Variants in CREB5 observed in about 807,000 individuals in gnomAD.
The protein encoded by CREB5 is cAMP responsive element binding protein 5, also known as cyclic AMP-responsive element-binding protein 5.
A neutral mutation model predicts 57.1 loss-of-function variants in CREB5; 19 were observed. The ratio of observed to expected loss-of-function variants is 0.33; its 90% CI spans 0.23 to 0.49. The LOEUF (loss-of-function observed/expected upper bound fraction) is 0.49, where lower values mean the gene tolerates loss of function less well. Ranked by LOEUF, CREB5 falls within the 20% of genes least tolerant of loss-of-function variation. The pLI is 0.99. For missense variants in CREB5, 579 were observed against 671.6 expected, an observed-to-expected ratio of 0.86 and a Z score of 1.52; for synonymous variants, 238 against 238.3, an observed-to-expected ratio of 1.00 and a Z score of 0.01.
At chr7:28,751,240 T>C (rs753909056) in intron 7 of CREB5, among the ~76,000 whole-genome samples, 7 of 152,028 alleles carry the variant, frequency 4.6e-5, no homozygotes, top group Non-Finnish European at 1.0e-4. Flanking sequence ...GCATTCCTTC[T>C]TCTCTACACA....
intron 1 of CREB5, among the ~76,000 whole-genome samples, chr7:28,327,012 G>T (rs1785620287): frequency 1.3e-5 from 2 of 152,018 alleles, no homozygotes; most frequent in Admixed American, 1.3e-4. Context: ...AGCCGGGCGT[G>T]GTGGCAGATG....
chr7:28,738,606 A>G (rs989660078), intron 7 of CREB5, among the ~76,000 whole-genome samples: 4 of 152,196 alleles, frequency 2.6e-5, no homozygotes, highest in Admixed American at 2.6e-4. Context: ...TCTCCTGGGA[A>G]TTTTCTTAAA....
At chr7:28,452,685 G>A (rs896730256) in intron 1 of CREB5, among the ~76,000 whole-genome samples, 3 of 152,176 alleles carry the variant, frequency 2.0e-5, no homozygotes, top group Non-Finnish European at 4.4e-5. Flanking sequence ...CCTAAAGAGG[G>A]AAGCAGCAAG....
At chr7:28,511,607 C>G (rs898042837) in intron 4 of CREB5, among the ~76,000 whole-genome samples, 1 of 152,214 alleles carries the variant, frequency 6.6e-6, no homozygotes, top group Non-Finnish European at 1.5e-5. Context: ...ACCTCAGCCT[C>G]CCAAGTAGCT....
At chr7:28,361,419 G>A (rs142624423) in intron 1 of CREB5, among the ~76,000 whole-genome samples, 15 of 152,218 alleles carry the variant, frequency 9.9e-5, no homozygotes, top group Admixed American at 9.2e-4. Context: ...GGCCTTGGTG[G>A]CAACATAAAT....
chr7:28,353,101 T>C (rs775794953), intron 1 of CREB5, among the ~76,000 whole-genome samples: 1 of 152,214 alleles, frequency 6.6e-6, no homozygotes, highest in Non-Finnish European at 1.5e-5. Flanking sequence ...TTTGTTTTGT[T>C]TTTGTTTTTT....
Position 28,657,558 on chromosome 7 carries a change from G to A in CREB5, c.465-61195G>A, listed in dbSNP as rs751467290. ...AGCCTGGCCAATATAGTGAAACCCC[G>A]TCTCTACTAACAATACAAAAATTAG... On this transcript the variant is annotated intron_variant, in intron 5 of 10. Coordinates refer to ENST00000357727, the MANE Select transcript of CREB5 (RefSeq NM_182898.4). Among the ~76,000 whole-genome samples the A allele has an allele frequency of 4.0e-4, 60 of 151,812 alleles. No homozygotes were observed. In the East Asian group the frequency reaches 4.5e-3, roughly 11 times the overall value.
chr7:28,761,734 G>C (rs983600373), intron 7 of CREB5, among the ~76,000 whole-genome samples: 3 of 150,370 alleles, frequency 2.0e-5, no homozygotes, highest in African/African-American at 7.3e-5. Context: ...ATGTGTGTGT[G>C]TGTGTGTGTG....
intron 1 of CREB5, among the ~76,000 whole-genome samples, chr7:28,417,463 C>T (rs559739262): frequency 5.3e-5 from 8 of 151,708 alleles, no homozygotes; most frequent in South Asian, 2.1e-4. Context: ...CACGTGTGGT[C>T]GGTGACTATG....
chr7:28,613,426 C>T (rs41282), intron 5 of CREB5, among the ~76,000 whole-genome samples: 9,644 of 152,192 alleles, frequency 0.063, 1,031 homozygotes, highest in African/African-American at 0.22. Context: ...CATTGCCACC[C>T]GGCTTGAGCC....
At chr7:28,328,247 C>T (rs906387248) in intron 1 of CREB5, among the ~76,000 whole-genome samples, 2 of 152,276 alleles carry the variant, frequency 1.3e-5, no homozygotes, top group South Asian at 4.1e-4. Flanking sequence ...TCAGTTTTAG[C>T]CTCCCTTCTT....
intron 5 of CREB5, among the ~76,000 whole-genome samples, chr7:28,659,065 C>T (rs116656433): frequency 0.016 from 2,332 of 150,178 alleles, 70 homozygotes; most frequent in African/African-American, 0.053. Flanking sequence ...ATTTGGTCCT[C>T]TTCCTCAGAA....
rs191409347 is a variant in CREB5 at position 28,791,798 on chromosome 7, T to C, written c.703-12401T>C. Among the ~76,000 whole-genome samples the C allele has an allele frequency of 3.2e-4, 49 of 152,338 alleles. No homozygotes were observed. The East Asian group carries it at 8.5e-3, about 26-fold the overall frequency. On this transcript the variant is annotated intron_variant, in intron 7 of 10. Coordinates refer to ENST00000357727, the MANE Select transcript of CREB5 (RefSeq NM_182898.4). Reference sequence around the variant, plus strand: ...AATTAATAAATCAACCAGAAAGCTTTCTATTTGGCATTTTTAGAATGGTAC... The same window carrying C: ...AATTAATAAATCAACCAGAAAGCTTCCTATTTGGCATTTTTAGAATGGTAC...
intron 1 of CREB5, among the ~76,000 whole-genome samples, chr7:28,374,675 T>C (rs1359751974): frequency 6.6e-6 from 1 of 152,194 alleles, no homozygotes; most frequent in African/African-American, 2.4e-5. Context: ...CAGCGTTTGG[T>C]TGCCTGGAGC....
chr7:28,788,831 A>T (rs995355222), intron 7 of CREB5, among the ~76,000 whole-genome samples: 2 of 74,996 alleles, frequency 2.7e-5, no homozygotes, highest in African/African-American at 6.7e-5. Flanking sequence ...CTTCTGGTTT[A>T]AAAAAAAAAA....
At chr7:28,488,396 A>G (rs1791665025) in intron 2 of CREB5, 150 bp downstream of exon 2, 1 of 620,958 alleles carries the variant, frequency 1.6e-6, no homozygotes, top group African/African-American at 1.8e-5. Flanking sequence ...CGTGATCATC[A>G]TCATTTTCAT....
At chr7:28,685,370 C>T (rs1030494229) in intron 5 of CREB5, among the ~76,000 whole-genome samples, 7 of 152,140 alleles carry the variant, frequency 4.6e-5, no homozygotes, top group East Asian at 3.9e-4. Flanking sequence ...GCTCCAGACA[C>T]GGGCACGTGT....
chr7:28,449,850 C>T (rs920778751), intron 1 of CREB5, among the ~76,000 whole-genome samples: 3 of 152,198 alleles, frequency 2.0e-5, no homozygotes, highest in Non-Finnish European at 4.4e-5. Flanking sequence ...GTCTGTCTCT[C>T]CTAAAAAGGT....
chr7:28,685,757 C>A (rs1227386575), intron 5 of CREB5, among the ~76,000 whole-genome samples: 1 of 150,812 alleles, frequency 6.6e-6, no homozygotes, highest in African/African-American at 2.4e-5. Context: ...CCTCTTGGAG[C>A]TCTCTGATGG....
Sources: gnomAD v4.1 joint callset for allele counts (sites outside exome capture counted in the v4.1 genomes callset) on GRCh38, gnomAD v4.1.1 for gene constraint, MANE v1.5 for transcripts, NCBI Gene and HGNC (gene_info 2026-07-23, HGNC 2026-07-21) for gene names.